The following SMURF2 variants were observed in gnomAD, a reference collection of about 807,000 sequenced individuals.
The protein encoded by SMURF2 is E3 ubiquitin-protein ligase SMURF2.
SMURF2 carries 48 observed loss-of-function variants against 109.6 expected under a neutral mutation model. That is an observed-to-expected ratio of 0.44 (90% CI 0.35 to 0.56). The LOEUF is 0.56. SMURF2 is among the 20% of genes least tolerant of loss of function. The probability of loss-of-function intolerance (pLI) is 0.01; values close to 1 mark genes in which losing one functional copy is unlikely to be tolerated. For missense variants in SMURF2, 575 were observed against 909.0 expected, an observed-to-expected ratio of 0.63 and a Z score of 4.72; for synonymous variants, 288 against 317.1, an observed-to-expected ratio of 0.91 and a Z score of 0.97.
chr17:64,631,675 G>A (rs1252052537), intron 1 of SMURF2, among the ~76,000 whole-genome samples: 3 of 151,976 alleles, frequency 2.0e-5, no homozygotes, highest in African/African-American at 4.8e-5. Flanking sequence ...AAAACACCAT[G>A]AAACAAACAA....
chr17:64,580,248 C>T (rs1555686423), intron 8 of SMURF2, among the ~76,000 whole-genome samples: 3 of 152,174 alleles, frequency 2.0e-5, no homozygotes, highest in African/African-American at 7.2e-5. Flanking sequence ...CCACATGAAA[C>T]TTTATAATCT....
chr17:64,561,464 G>C (rs545779180), intron 12 of SMURF2, 36 bp downstream of exon 12: 1 of 1,383,576 alleles, frequency 7.2e-7, no homozygotes, highest in East Asian at 2.3e-5. Flanking sequence ...TAAGTACAAA[G>C]ATCCATATGT....
intron 2 of SMURF2, 85 bp from the exon 3 acceptor site, chr17:64,598,575 A>T (rs1284960376): frequency 1.8e-6 from 2 of 1,115,494 alleles, no homozygotes; most frequent in Admixed American, 2.9e-5. Context: ...GCTACAAAAG[A>T]TTATTCCATT....
In SMURF2 at chr17:64,573,145, A is replaced by AGGAGGAGGG. The variant is rs1969426142; in HGVS notation, c.858-1190_858-1189insCCCTCCTCC. 10 of 34,930 alleles carry AGGAGGAGGG rather than the reference A, an allele frequency of 2.9e-4. 1 individual carries two copies. Among genetic ancestry groups the AGGAGGAGGG allele is most frequent in the Non-Finnish European group, 3.9e-4 (8 of 20,624 alleles). The allele number at this position is 34,930 out of a possible 1,614,324, so 2.2% of individuals were successfully genotyped here. ...AAAAAAGAGGAGGAGGAGGAGGAGG[A>AGGAGGAGGG]GGAGGAGGAGGAGGAGGGGGAGGAG... On this transcript the variant is annotated intron_variant, in intron 9 of 18. Coordinates refer to ENST00000262435, the MANE Select transcript of SMURF2 (RefSeq NM_022739.4).
At chr17:64,645,316 G>T (rs1165783984) in intron 1 of SMURF2, among the ~76,000 whole-genome samples, 1 of 152,164 alleles carries the variant, frequency 6.6e-6, no homozygotes, top group African/African-American at 2.4e-5. Flanking sequence ...TAGTTTAAAC[G>T]ATAATTAAGA....
intron 1 of SMURF2, among the ~76,000 whole-genome samples, chr17:64,613,672 CAGTGTG>C (rs1385257800): frequency 1.2e-3 from 64 of 53,720 alleles, no homozygotes; most frequent in Middle Eastern, 0.015. Context: ...TTCCACGGAC[CAGTGTG>C]TGTGTGTGTG....
At chr17:64,653,004 GAA>G (rs2144736062) in intron 1 of SMURF2, among the ~76,000 whole-genome samples, 1 of 151,246 alleles carries the variant, frequency 6.6e-6, no homozygotes, top group African/African-American at 2.4e-5. Flanking sequence ...CTCTGGGTTA[GAA>G]AAAGACTTAG....
chr17:64,555,415 G>T (rs1969104390), intron 14 of SMURF2, among the ~76,000 whole-genome samples: 1 of 152,136 alleles, frequency 6.6e-6, no homozygotes, highest in African/African-American at 2.4e-5. Flanking sequence ...TTGCAAAACA[G>T]AATCAGTTCT....
intron 1 of SMURF2, among the ~76,000 whole-genome samples, chr17:64,628,720 T>G (rs1480070716): frequency 2.6e-5 from 4 of 152,268 alleles, no homozygotes; most frequent in Non-Finnish European, 4.4e-5. Context: ...CTTGAAGGAT[T>G]CTCTAACAAG....
At position 64,627,866 on chromosome 17, in the gene SMURF2, T is replaced by C. The variant is rs569766143; in HGVS notation, c.53-21226A>G. ...TTCTAATATGGAAAAGGACAGTTCA[T>C]GATCTTTTGGCTTTAAAGGATCTCC... On this transcript the variant is annotated intron_variant, in intron 1 of 18. Transcript: ENST00000262435. Among the ~76,000 whole-genome samples the C allele has an allele frequency of 2.6e-5, 4 of 152,358 alleles. No homozygotes were observed. The East Asian group carries it at 5.8e-4, about 22-fold the overall frequency.
rs1276374518 is a variant in SMURF2, at chr17:64,546,478, C to T, written c.2072-140G>A. The T allele has an allele frequency of 1.1e-5, 7 of 644,702 alleles. No individual in the cohort carries two copies. The African/African-American group carries it at 1.1e-4, about 10-fold the overall frequency. The allele number at this position is 644,702 out of a possible 1,614,324, so 39.9% of individuals were successfully genotyped here. A position where few individuals can be genotyped will look rare whatever the true frequency, so the allele number is the denominator to read the frequency against. ...TGAATCCACACATACTACCAAAGGG[C>T]AGCAGGAAAAGCATCTGGGTTTTAA... is the stretch of plus-strand genomic sequence containing the variant. On this transcript the variant is annotated intron_variant, in intron 17 of 18. Coordinates refer to ENST00000262435, the MANE Select transcript of SMURF2 (RefSeq NM_022739.4).
chr17:64,650,910 T>TA (rs60191277), intron 1 of SMURF2, among the ~76,000 whole-genome samples: 23,928 of 143,608 alleles, frequency 0.17, 4,682 homozygotes, highest in African/African-American at 0.48. Context: ...GCACGGTGGT[T>TA]AAAAAAAAAA....
chr17:64,575,591 T>C (rs1310868072), intron 9 of SMURF2, among the ~76,000 whole-genome samples: 1 of 151,960 alleles, frequency 6.6e-6, no homozygotes, highest in Admixed American at 6.6e-5. Flanking sequence ...AGTAAGACAT[T>C]TTCATAATCA....
intron 4 of SMURF2, 58 bp downstream of exon 4, chr17:64,593,382 C>CAT: frequency 6.6e-7 from 1 of 1,504,038 alleles, no homozygotes; most frequent in Non-Finnish European, 8.9e-7. Flanking sequence ...TGCACAAATA[C>CAT]ATATACACAC....
chr17:64,640,375 C>A (rs1192187369), intron 1 of SMURF2, among the ~76,000 whole-genome samples: 1 of 152,018 alleles, frequency 6.6e-6, no homozygotes, highest in Non-Finnish European at 1.5e-5. Context: ...TACAAAGACT[C>A]TGAGGTGGAA....
In SMURF2 at chr17:64,542,416, G is replaced by A. The variant is rs776358293; in HGVS notation, c.*3432C>T. 28 of 147,512 alleles carry A rather than the reference G, an allele frequency of 1.9e-4. No individual in the cohort carries two copies. Among genetic ancestry groups the A allele is most frequent in the Non-Finnish European group, 2.9e-4 (19 of 66,324 alleles). The allele number at this position is 147,512 out of a possible 1,614,324, so 9.1% of individuals were successfully genotyped here. On this transcript the variant is annotated 3_prime_UTR_variant, in exon 19 of 19. Transcript: ENST00000262435. ...TACTGATAAAGCTCATGTAACAAAT[G>A]AATGAAAATACAAAGAATATCAAAG...
intron 16 of SMURF2, among the ~76,000 whole-genome samples, chr17:64,550,174 G>C (rs1969020702): frequency 6.6e-6 from 1 of 152,196 alleles, no homozygotes; most frequent in Non-Finnish European, 1.5e-5. Flanking sequence ...AATGGGGAGA[G>C]TATTAAGTAA....
chr17:64,627,205 C>A (rs188484684), intron 1 of SMURF2, among the ~76,000 whole-genome samples: 4 of 150,970 alleles, frequency 2.6e-5, no homozygotes, highest in African/African-American at 9.8e-5. Context: ...ACCTCCACCT[C>A]CCGGGTTCAA....
chr17:64,555,595 A>C (rs1472760852), intron 14 of SMURF2, among the ~76,000 whole-genome samples: 2 of 152,230 alleles, frequency 1.3e-5, no homozygotes, highest in African/African-American at 4.8e-5. Flanking sequence ...AAAAATAGAA[A>C]TATACTAGTT....
Sources: gnomAD v4.1 joint callset for allele counts (sites outside exome capture counted in the v4.1 genomes callset) on GRCh38, gnomAD v4.1.1 for gene constraint, MANE v1.5 for transcripts, NCBI Gene and HGNC (gene_info 2026-07-23, HGNC 2026-07-21) for gene names.